MAP3K20: variants seen among roughly 807,000 people sequenced by gnomAD.
MAP3K20 encodes mitogen-activated protein kinase kinase kinase 20, also known as HCCS-4.
MAP3K20 carries 40 observed loss-of-function variants against 85.7 expected under a neutral mutation model. The observed-to-expected ratio is 0.47, with a 90% CI of 0.36 to 0.61. The LOEUF is 0.61. Ranked by LOEUF, MAP3K20 falls within the 20% of genes least tolerant of loss-of-function variation. The pLI is 0.00. For missense variants in MAP3K20, 817 were observed against 961.7 expected (o/e 0.85, Z 1.99); for synonymous variants, 325 against 327.7 (o/e 0.99, Z 0.09).
rs775456781 is a variant in MAP3K20 at position 173,169,851 on chromosome 2, A to T, written c.206A>T (p.Tyr69Phe). The change falls in exon 3 of 20, where the codon TAT becomes TTT. Residue 69 changes from tyrosine to phenylalanine, a missense_variant. This residue lies in a region of MAP3K20 where 200 missense variants were observed against 302.7 expected (regional missense o/e 0.66). Transcript: ENST00000375213. ...AGTCACAGAAACATCATCCAGTTTT[A>T]TGGAGTAATTCTTGAACCTCCCAAC... ...VLSHRNIIQF[Y>F]GVILEPPNYG... is the part of the protein sequence containing the mutation. 2 of 1,614,042 alleles carry T rather than the reference A, an allele frequency of 1.2e-6. No individual in the cohort carries two copies.
intron 2 of MAP3K20, among the ~76,000 whole-genome samples, chr2:173,150,896 G>A (rs561959942): frequency 6.6e-6 from 1 of 152,308 alleles, no homozygotes; most frequent in South Asian, 2.1e-4. Flanking sequence ...ACAATTTCTA[G>A]CAGCTAACAT....
intron 12 of MAP3K20, 148 bp downstream of exon 12, chr2:173,229,881 A>AG: frequency 2.3e-6 from 2 of 888,522 alleles, no homozygotes. Context: ...CCCAGGCTGG[A>AG]GTGCAGTGGT....
intron 2 of MAP3K20, among the ~76,000 whole-genome samples, chr2:173,129,845 G>A (rs1036632698): frequency 1.3e-5 from 2 of 152,074 alleles, no homozygotes; most frequent in African/African-American, 4.8e-5. Context: ...AGAACTTGGG[G>A]CCAAACATAC....
At chr2:173,112,731 A>G (rs1559236281) in intron 2 of MAP3K20, among the ~76,000 whole-genome samples, 1 of 152,092 alleles carries the variant, frequency 6.6e-6, no homozygotes. Context: ...TGACTTGTGT[A>G]TGTTAAACCA....
At chr2:173,234,679 C>T (rs1253864036) in intron 14 of MAP3K20, among the ~76,000 whole-genome samples, 2 of 152,106 alleles carry the variant, frequency 1.3e-5, no homozygotes, top group African/African-American at 4.8e-5. Flanking sequence ...TGTGGAGGAA[C>T]AGAAAAGAGG....
chr2:173,261,285 G>T, intron 18 of MAP3K20, 148 bp downstream of exon 18: 1 of 749,796 alleles, frequency 1.3e-6, no homozygotes, highest in Non-Finnish European at 2.1e-6. Context: ...AACATAGGAA[G>T]ATCAATATAA....
At position 173,238,534 on chromosome 2, in the gene MAP3K20, T is replaced by C. The variant is rs550997171; in HGVS notation, c.1266+99T>C. ...TTTGCCAATGTCAGTAATGGTTGTT[T>C]GAAGTGAAATTTCATCATATCTGTC... On this transcript the variant is annotated intron_variant, in intron 15 of 19. Coordinates refer to ENST00000375213, the MANE Select transcript of MAP3K20 (RefSeq NM_016653.3). The C allele has an allele frequency of 4.5e-6, 5 of 1,100,760 alleles. No individual in the cohort carries two copies. In the South Asian group the frequency reaches 7.5e-5, roughly 16 times the overall value. 68.2% of individuals were successfully genotyped at this position (1,100,760 alleles called of 1,614,324 possible). A position where few individuals can be genotyped will look rare whatever the true frequency, so the allele number is the denominator to read the frequency against.
intron 1 of MAP3K20, among the ~76,000 whole-genome samples, chr2:173,081,192 T>C (rs1238043797): frequency 4.0e-5 from 6 of 148,778 alleles, no homozygotes; most frequent in African/African-American, 1.5e-4. Context: ...AAGACAAATT[T>C]TTTTTTTTTT....
intron 11 of MAP3K20, among the ~76,000 whole-genome samples, chr2:173,219,233 T>C (rs927460928): frequency 6.6e-6 from 1 of 152,242 alleles, no homozygotes; most frequent in Non-Finnish European, 1.5e-5. Flanking sequence ...TTCCTGTAGG[T>C]GGCCTCATCT....
intron 2 of MAP3K20, among the ~76,000 whole-genome samples, chr2:173,129,699 G>A (rs1437575764): frequency 6.6e-6 from 1 of 152,186 alleles, no homozygotes; most frequent in African/African-American, 2.4e-5. Flanking sequence ...TTCATTAAGC[G>A]ATATGGAGGT....
At chr2:173,176,743 C>CAG (rs1355492117) in intron 3 of MAP3K20, among the ~76,000 whole-genome samples, 1 of 152,054 alleles carries the variant, frequency 6.6e-6, no homozygotes, top group African/African-American at 2.4e-5. Context: ...AATCAAAAGG[C>CAG]AGAGATTGTC....
upstream of MAP3K20, chr2:173,075,601 CAAA>C: frequency 3.1e-6 from 1 of 318,006 alleles, no homozygotes; most frequent in Non-Finnish European, 4.6e-6. Context: ...GTTAATTTGT[CAAA>C]AAGATGAGTT....
rs574175618 is a variant in MAP3K20 at position 173,264,017 on chromosome 2, C to T, written c.1702+122C>T. ...TCAGTTAAGATCTATCTTTGAGCTTCGAGTAGCAGAAAACCCAGTTGCAAC... is the reference window on the plus strand; with the variant it reads ...TCAGTTAAGATCTATCTTTGAGCTTTGAGTAGCAGAAAACCCAGTTGCAAC... On this transcript the variant is annotated intron_variant, in intron 19 of 19. Coordinates refer to ENST00000375213, the MANE Select transcript of MAP3K20 (RefSeq NM_016653.3). 1.4e-5 allele frequency: 19 copies of T among 1,357,002 alleles called. No individual in the cohort carries two copies. The East Asian group carries it at 2.9e-4, about 21-fold the overall frequency. The allele number at this position is 1,357,002 out of a possible 1,614,324, so 84.1% of individuals were successfully genotyped here.
At chr2:173,196,854 C>G (rs1690860221) in intron 7 of MAP3K20, among the ~76,000 whole-genome samples, 1 of 152,126 alleles carries the variant, frequency 6.6e-6, no homozygotes, top group Non-Finnish European at 1.5e-5. Flanking sequence ...TGTCACTTTC[C>G]CTTCACTCAC....
chr2:173,110,609 C>T lies in MAP3K20; in HGVS notation c.159+19419C>T, dbSNP rs940121893. Among the ~76,000 whole-genome samples, 11 of 151,910 alleles carry T rather than the reference C, an allele frequency of 7.2e-5. 1 individual carries two copies. Among genetic ancestry groups the T allele is most frequent in the African/African-American group, 2.7e-4 (11 of 41,326 alleles). On this transcript the variant is annotated intron_variant, in intron 2 of 19. Coordinates refer to ENST00000375213, the MANE Select transcript of MAP3K20 (RefSeq NM_016653.3). ...TCCCCCAAATCCCCAAAGCCCATTG[C>T]ATCATTCTTATGCATTTGCGTCCTC...
chr2:173,114,971 G>A (rs970739591), intron 2 of MAP3K20, among the ~76,000 whole-genome samples: 1 of 152,190 alleles, frequency 6.6e-6, no homozygotes, highest in Admixed American at 6.5e-5. Flanking sequence ...GGCAAAGGAA[G>A]TTTTCCTCGA....
intron 10 of MAP3K20, among the ~76,000 whole-genome samples, chr2:173,215,287 C>T (rs987889317): frequency 3.9e-5 from 6 of 152,256 alleles, no homozygotes; most frequent in Non-Finnish European, 8.8e-5. Flanking sequence ...GCTCCACCAC[C>T]TCCTTGCTGC....
At chr2:173,101,383 A>C (rs1687634892) in intron 2 of MAP3K20, among the ~76,000 whole-genome samples, 1 of 152,222 alleles carries the variant, frequency 6.6e-6, no homozygotes, top group Non-Finnish European at 1.5e-5. Flanking sequence ...AGTTTGCCTT[A>C]TGAGAAACAT....
intron 5 of MAP3K20, among the ~76,000 whole-genome samples, chr2:173,189,509 A>G (rs1690587989): frequency 6.6e-6 from 1 of 152,220 alleles, no homozygotes; most frequent in Non-Finnish European, 1.5e-5. Flanking sequence ...TTACATATTA[A>G]CACTCAAAAA....
Sources: gnomAD v4.1 joint callset for allele counts (sites outside exome capture counted in the v4.1 genomes callset) on GRCh38, gnomAD v4.1.1 for gene constraint, gnomAD v4.1.1 regional missense constraint, MANE v1.5 for transcripts, NCBI Gene and HGNC (gene_info 2026-07-23, HGNC 2026-07-21) for gene names.